GRIN3A: variants seen among roughly 807,000 people sequenced by gnomAD.
The protein encoded by GRIN3A is glutamate ionotropic receptor NMDA type subunit 3A.
Under a neutral mutation model 92.4 loss-of-function variants are expected in GRIN3A, and 47 were observed. The observed-to-expected ratio is 0.51, with a 90% CI of 0.40 to 0.65. The LOEUF is 0.65. Among genes scored for constraint, GRIN3A ranks in the 30% least tolerant of loss-of-function variants. The pLI, the probability that GRIN3A is intolerant of heterozygous loss-of-function variation, is 0.00. For missense variants in GRIN3A, 1,324 were observed against 1,393.1 expected (o/e 0.95, Z 0.79); for synonymous variants, 527 against 540.6 (o/e 0.97, Z 0.35).
At chr9:101,686,519 A>C (rs748098371) in intron 2 of GRIN3A, 77 bp downstream of exon 2, 8 of 1,529,640 alleles carry the variant, frequency 5.2e-6, no homozygotes, top group Non-Finnish European at 3.6e-6. Flanking sequence ...AGATTTCTGC[A>C]AAGCGGACAG....
At chr9:101,602,581 AT>A (rs1405264929) in intron 6 of GRIN3A, among the ~76,000 whole-genome samples, 9 of 152,228 alleles carry the variant, frequency 5.9e-5, no homozygotes, top group Admixed American at 5.9e-4. Context: ...AGTAAATAGC[AT>A]TTCATAAATA....
At chr9:101,691,124 C>A (rs1348167663) in intron 1 of GRIN3A, among the ~76,000 whole-genome samples, 1 of 151,954 alleles carries the variant, frequency 6.6e-6, no homozygotes, top group African/African-American at 2.4e-5. Flanking sequence ...ATTGGGTAGA[C>A]AAAGAGTTAA....
At chr9:101,724,526 C>T (rs993210191) in intron 1 of GRIN3A, among the ~76,000 whole-genome samples, 9 of 152,170 alleles carry the variant, frequency 5.9e-5, no homozygotes, top group African/African-American at 1.9e-4. Context: ...GAGCAGGCTC[C>T]GGCCTTGGCC....
At chr9:101,686,454 T>C (rs1206159197) in intron 2 of GRIN3A, 142 bp downstream of exon 2, 1 of 960,028 alleles carries the variant, frequency 1.0e-6, no homozygotes, top group East Asian at 2.4e-5. Context: ...TACTAGCCTA[T>C]ATAACCAGAA....
intron 2 of GRIN3A, 65 bp downstream of exon 2, chr9:101,686,531 T>C: frequency 6.4e-7 from 1 of 1,560,356 alleles, no homozygotes; most frequent in South Asian, 1.1e-5. Context: ...AGCGGACAGA[T>C]AGGGGAATTT....
At chr9:101,673,150 A>G (rs943978040) in intron 2 of GRIN3A, among the ~76,000 whole-genome samples, 1 of 152,132 alleles carries the variant, frequency 6.6e-6, no homozygotes, top group Non-Finnish European at 1.5e-5. Context: ...AGGCTTAATG[A>G]TTATAGATTC....
intron 4 of GRIN3A, among the ~76,000 whole-genome samples, chr9:101,623,842 T>C (rs1195334458): frequency 1.3e-5 from 2 of 152,204 alleles, no homozygotes; most frequent in African/African-American, 4.8e-5. Context: ...ATATAACAGA[T>C]GAGGAAATTG....
intron 6 of GRIN3A, among the ~76,000 whole-genome samples, chr9:101,587,460 G>A (rs1258006037): frequency 2.0e-5 from 3 of 152,216 alleles, no homozygotes; most frequent in Non-Finnish European, 2.9e-5. Flanking sequence ...AGAAATGAAC[G>A]GGTGGAGCCT....
chr9:101,621,210 G>T (rs907288490), intron 5 of GRIN3A, among the ~76,000 whole-genome samples: 6 of 151,704 alleles, frequency 4.0e-5, no homozygotes, highest in Non-Finnish European at 7.4e-5. Context: ...GCTTGAACCT[G>T]GGAGGCAGAG....
chr9:101,721,525 T>G lies in GRIN3A; in HGVS notation c.699+15756A>C, dbSNP rs532983790. ...GTAATGGGCAGAGGCTGGAACAGTT[T>G]GGAGGGCTCAGAAGAAGATAGAAAA... On this transcript the variant is annotated intron_variant, in intron 1 of 8. Coordinates refer to ENST00000361820, the MANE Select transcript of GRIN3A (RefSeq NM_133445.3). Among the ~76,000 whole-genome samples, 18 of 152,258 alleles carry G rather than the reference T, an allele frequency of 1.2e-4. No individual in the cohort carries two copies. In the South Asian group the frequency reaches 3.5e-3, roughly 30 times the overall value.
Position 101,737,769 on chromosome 9 carries a change from C to G in GRIN3A, c.211G>C (p.Asp71His). ...APRAASRAPD[D>H]SRAGAQRDEP... ...TCCCTCTGGGCTCCTGCTCGGCTGT[C>G]GTCCGGAGCGCGGCTGGCCGCGCGG... Residue 71 changes from aspartate (D) to histidine (H), a missense_variant, in exon 1 of 9, where the codon GAC (aspartate) becomes CAC (histidine). By Grantham distance (81) the Asp-to-His change is moderately conservative. Coordinates refer to ENST00000361820, the MANE Select transcript of GRIN3A (RefSeq NM_133445.3). The G allele has an allele frequency of 2.0e-6, 3 of 1,528,620 alleles. No homozygotes were observed. Among genetic ancestry groups the G allele is most frequent in the Non-Finnish European group, 2.6e-6 (3 of 1,143,844 alleles). 94.7% of individuals were successfully genotyped at this position (1,528,620 alleles called of 1,614,324 possible). A position where few individuals can be genotyped will look rare whatever the true frequency, so the allele number is the denominator to read the frequency against.
At chr9:101,576,282 A>T (rs757564086) in intron 8 of GRIN3A, among the ~76,000 whole-genome samples, 7 of 152,128 alleles carry the variant, frequency 4.6e-5, no homozygotes, top group Non-Finnish European at 1.0e-4. Context: ...TTCCAAAGAG[A>T]CATGACGGCT....
chr9:101,636,047 G>T (rs867326773), intron 3 of GRIN3A, among the ~76,000 whole-genome samples: 6 of 152,028 alleles, frequency 3.9e-5, no homozygotes, highest in African/African-American at 1.4e-4. Flanking sequence ...AGCTATTTTT[G>T]TGTGTGTGTG....
At chr9:101,622,046 G>T (rs1424092234) in intron 5 of GRIN3A, among the ~76,000 whole-genome samples, 2 of 152,146 alleles carry the variant, frequency 1.3e-5, no homozygotes, top group Non-Finnish European at 2.9e-5. Flanking sequence ...ACTGCTAATT[G>T]CCTCTCTTTC....
intron 6 of GRIN3A, among the ~76,000 whole-genome samples, chr9:101,611,328 G>A (rs1828365253): frequency 6.6e-6 from 1 of 151,980 alleles, no homozygotes; most frequent in Non-Finnish European, 1.5e-5. Context: ...GTTGTCACGT[G>A]GACTTTTTCC....
intron 3 of GRIN3A, among the ~76,000 whole-genome samples, chr9:101,651,057 T>C (rs973244529): frequency 1.3e-5 from 2 of 152,018 alleles, no homozygotes; most frequent in Non-Finnish European, 1.5e-5. Flanking sequence ...TTCTTTTAAG[T>C]CTTTTAGAAT....
At chr9:101,617,132 G>A (rs1400971605) in intron 5 of GRIN3A, among the ~76,000 whole-genome samples, 2 of 148,726 alleles carry the variant, frequency 1.3e-5, no homozygotes, top group African/African-American at 5.0e-5. Flanking sequence ...CCCGGGAAGC[G>A]GAGCTTGCAG....
chr9:101,726,620 T>C (rs1830084613), intron 1 of GRIN3A, among the ~76,000 whole-genome samples: 1 of 152,106 alleles, frequency 6.6e-6, no homozygotes, highest in Non-Finnish European at 1.5e-5. Context: ...TATATCTATG[T>C]TGTCCAATAT....
chr9:101,672,782 T>C (rs1829346101), intron 2 of GRIN3A, among the ~76,000 whole-genome samples: 1 of 152,182 alleles, frequency 6.6e-6, no homozygotes, highest in South Asian at 2.1e-4. Context: ...TAATTATTCA[T>C]GTTAGTACTC....
Sources: allele counts gnomAD v4.1 joint callset (sites outside exome capture counted in the v4.1 genomes callset), GRCh38; gene constraint gnomAD v4.1.1; transcripts MANE v1.5; gene names NCBI Gene and HGNC (gene_info 2026-07-23, HGNC 2026-07-21).